Variants in KLF8 observed in about 807,000 individuals in gnomAD.
The protein encoded by KLF8 is Krueppel-like factor 8.
Under a neutral mutation model 18.2 loss-of-function variants are expected in KLF8, and 10 were observed. The ratio of observed to expected loss-of-function variants is 0.55; its 90% CI spans 0.34 to 0.93. KLF8 has a LOEUF of 0.93. KLF8 is among the 40% of genes least tolerant of loss of function. KLF8 has a pLI of 0.02. For missense variants in KLF8, 264 were observed against 277.9 expected (o/e 0.95, Z 0.36); for synonymous variants, 109 against 97.3 (o/e 1.12, Z -0.71).
the KLF8 span, among the ~76,000 whole-genome samples, chrX:56,061,986 CTTTT>C: frequency 9.6e-4 from 55 of 57,122 alleles, no homozygotes; most frequent in Non-Finnish European, 2.8e-4. Flanking sequence ...GCAACCCCTG[CTTTT>C]TTTTTTTTTT....
the KLF8 span, among the ~76,000 whole-genome samples, chrX:55,992,601 A>G: frequency 8.9e-6 from 1 of 112,242 alleles, no homozygotes; most frequent in Admixed American, 9.4e-5. Flanking sequence ...GTTCCATATG[A>G]ATTATAGAAT....
the KLF8 span, among the ~76,000 whole-genome samples, chrX:56,191,952 C>T: frequency 1.8e-5 from 2 of 111,104 alleles, no homozygotes; most frequent in Non-Finnish European, 1.9e-5. Context: ...TGTTATTTCA[C>T]GTAGTATGGG....
At chrX:56,008,465 G>A in the KLF8 span, among the ~76,000 whole-genome samples, 2 of 112,067 alleles carry the variant, frequency 1.8e-5, no homozygotes, top group Non-Finnish European at 3.8e-5. Context: ...GAGGCAGTGA[G>A]CAATTGTTCT....
the KLF8 span, among the ~76,000 whole-genome samples, chrX:56,172,523 G>A: frequency 1.4e-4 from 16 of 111,621 alleles, no homozygotes; most frequent in Non-Finnish European, 3.0e-4. Context: ...CATTTGGGTT[G>A]GTTCCAGGTC....
chrX:56,073,317 G>A, the KLF8 span, among the ~76,000 whole-genome samples: 2 of 112,124 alleles, frequency 1.8e-5, no homozygotes, highest in South Asian at 3.7e-4. Context: ...CATCCATATT[G>A]TAGTATGTAT....
the KLF8 span, among the ~76,000 whole-genome samples, chrX:55,993,451 T>A: frequency 8.9e-6 from 1 of 112,203 alleles, no homozygotes. Context: ...ATAAAGGAGA[T>A]CCACTTGATC....
the KLF8 span, among the ~76,000 whole-genome samples, chrX:55,956,215 C>A: frequency 1.0e-3 from 109 of 109,427 alleles, no homozygotes; most frequent in African/African-American, 3.6e-3. Context: ...TATCTATCAT[C>A]TATCTATCTG....
At chrX:56,222,810 C>A in the KLF8 span, among the ~76,000 whole-genome samples, 1 of 113,253 alleles carries the variant, frequency 8.8e-6, no homozygotes, top group Non-Finnish European at 1.9e-5. Context: ...AAGCCCCTCA[C>A]TGCCCGGGGC....
At chrX:56,022,420 G>T in the KLF8 span, among the ~76,000 whole-genome samples, 1 of 107,182 alleles carries the variant, frequency 9.3e-6, no homozygotes. Context: ...GTGGTGGCGG[G>T]TGCCTGTAGT....
At chrX:56,085,915 C>G in the KLF8 span, among the ~76,000 whole-genome samples, 1 of 112,065 alleles carries the variant, frequency 8.9e-6, no homozygotes, top group East Asian at 2.8e-4. Context: ...CACACTATCA[C>G]TGCGTCATGA....
At chrX:56,111,567 T>C in the KLF8 span, among the ~76,000 whole-genome samples, 1 of 112,040 alleles carries the variant, frequency 8.9e-6, no homozygotes, top group Admixed American at 9.5e-5. Flanking sequence ...AGAAAATGTT[T>C]GCAATCTATC....
At chrX:55,942,130 AT>A in the KLF8 span, among the ~76,000 whole-genome samples, 2 of 111,661 alleles carry the variant, frequency 1.8e-5, no homozygotes, top group African/African-American at 6.5e-5. Context: ...ATGTCCAACA[AT>A]GATAGACTGG....
At chrX:56,048,984 A>T in the KLF8 span, among the ~76,000 whole-genome samples, 3 of 111,452 alleles carry the variant, frequency 2.7e-5, no homozygotes, top group Non-Finnish European at 5.6e-5. Context: ...GTTCCTTCAC[A>T]TCCCTTGTAA....
the KLF8 span, among the ~76,000 whole-genome samples, chrX:56,077,616 C>G: frequency 7.2e-5 from 8 of 111,623 alleles, no homozygotes; most frequent in East Asian, 2.0e-3. Flanking sequence ...GATTGACTTG[C>G]CGATGCAGGC....
In KLF8 at chrX:56,288,371, T is replaced by C. The variant is rs931569499; in HGVS notation, c.*3877T>C. ...TTGTTTTCAGTGACCTTGACACTTT[T>C]GAGAGAGATTTTCCTCAACTGGGAT... On this transcript the variant is annotated 3_prime_UTR_variant, in exon 6 of 6. Transcript: ENST00000468660. Among the ~76,000 whole-genome samples, 4 of 111,980 alleles carry C rather than the reference T, an allele frequency of 3.6e-5. No individual in the cohort carries two copies. Among genetic ancestry groups the C allele is most frequent in the African/African-American group, 1.3e-4 (4 of 30,791 alleles).
At chrX:56,011,624 G>T in the KLF8 span, among the ~76,000 whole-genome samples, 2 of 110,486 alleles carry the variant, frequency 1.8e-5, no homozygotes, top group African/African-American at 6.6e-5. Flanking sequence ...GGAACTGAAG[G>T]AAATAGAGAC....
At chrX:55,991,582 C>T in the KLF8 span, among the ~76,000 whole-genome samples, 13 of 111,502 alleles carry the variant, frequency 1.2e-4, no homozygotes, top group Non-Finnish European at 1.1e-4. Context: ...AATCACCCGT[C>T]TTCTGTGTTG....
chrX:56,251,561 C>T (rs2066712572), intron 2 of KLF8, among the ~76,000 whole-genome samples: 1 of 111,001 alleles, frequency 9.0e-6, no homozygotes, highest in African/African-American at 3.3e-5. Context: ...CTTCCAGGTT[C>T]AAGCTATTCT....
chrX:56,069,068 G>T, the KLF8 span, among the ~76,000 whole-genome samples: 1 of 111,370 alleles, frequency 9.0e-6, no homozygotes, highest in Non-Finnish European at 1.9e-5. Flanking sequence ...AACTATGCTG[G>T]CATGCACAGC....
Sources: gnomAD v4.1 joint callset for allele counts (sites outside exome capture counted in the v4.1 genomes callset) on GRCh38, gnomAD v4.1.1 for gene constraint, MANE v1.5 for transcripts, NCBI Gene and HGNC (gene_info 2026-07-23, HGNC 2026-07-21) for gene names.